PTPRD: variants seen among roughly 807,000 people sequenced by gnomAD.
The protein encoded by PTPRD is protein tyrosine phosphatase receptor type D.
A neutral mutation model predicts 214.5 loss-of-function variants in PTPRD; 34 were observed. The ratio of observed to expected loss-of-function variants is 0.16; its 90% CI spans 0.12 to 0.21. The LOEUF is 0.21. Among genes scored for constraint, PTPRD ranks in the 10% least tolerant of loss-of-function variants. PTPRD has a pLI of 1.00. For missense variants in PTPRD, 2,545 were observed against 2,398.7 expected, an observed-to-expected ratio of 1.06 and a Z score of -1.27; for synonymous variants, 1,128 against 845.7, an observed-to-expected ratio of 1.33 and a Z score of -5.79.
At chr9:8,483,989 G>A in intron 30 of PTPRD, 130 bp downstream of exon 30, 2 of 1,189,916 alleles carry the variant, frequency 1.7e-6, no homozygotes. Flanking sequence ...AGCAAAACTG[G>A]GAGTCTGAGC....
At chr9:10,556,735 C>T (rs1283150247) in intron 2 of PTPRD, among the ~76,000 whole-genome samples, 4 of 151,832 alleles carry the variant, frequency 2.6e-5, no homozygotes, top group Non-Finnish European at 4.4e-5. Context: ...CAGGTGTGGG[C>T]AGATAAATGG....
intron 7 of PTPRD, among the ~76,000 whole-genome samples, chr9:9,654,803 A>G (rs988300280): frequency 5.9e-5 from 9 of 152,178 alleles, no homozygotes; most frequent in Non-Finnish European, 1.3e-4. Flanking sequence ...TATTAAGTGT[A>G]TAACAAATGA....
chr9:8,724,768 T>TAA (rs112711921), intron 12 of PTPRD, among the ~76,000 whole-genome samples: 2 of 143,070 alleles, frequency 1.4e-5, no homozygotes, highest in Non-Finnish European at 3.1e-5. Context: ...ACCCCATCTC[T>TAA]AAAAAAAAAA....
At chr9:8,690,055 C>G (rs2097770740) in intron 12 of PTPRD, among the ~76,000 whole-genome samples, 1 of 149,764 alleles carries the variant, frequency 6.7e-6, no homozygotes, top group African/African-American at 2.5e-5. Flanking sequence ...TTGCAGTAAG[C>G]CAAGATTGTA....
chr9:8,376,622 T>C lies in PTPRD; in HGVS notation c.4491A>G (p.Thr1497=), dbSNP rs376120681. Residue 1497 remains threonine (T), a synonymous_variant, in exon 38 of 46, where the codon ACA becomes ACG. Coordinates refer to ENST00000381196, the MANE Select transcript of PTPRD (RefSeq NM_002839.4). Reference sequence around the variant, plus strand: ...AAAAGCAAACCTTGTAAAGTGCAAATGTTCGAACACAATATGTGGCCAGCT... The same window carrying C: ...AAAAGCAAACCTTGTAAAGTGCAAACGTTCGAACACAATATGTGGCCAGCT... ...TVELATYCVR[T]FALYKNGSSE... is the part of the protein sequence containing the mutation. 29 of 1,612,766 alleles carry C rather than the reference T, an allele frequency of 1.8e-5. No individual in the cohort carries two copies. The African/African-American group carries it at 3.3e-4, about 19-fold the overall frequency.
chr9:8,678,967 T>A (rs1485825074), intron 12 of PTPRD, among the ~76,000 whole-genome samples: 2 of 152,158 alleles, frequency 1.3e-5, no homozygotes, highest in African/African-American at 4.8e-5. Flanking sequence ...GCCAATAATA[T>A]CGAGAGCAGT....
At chr9:8,828,132 T>A (rs972515529) in intron 11 of PTPRD, among the ~76,000 whole-genome samples, 1 of 152,182 alleles carries the variant, frequency 6.6e-6, no homozygotes, top group Non-Finnish European at 1.5e-5. Flanking sequence ...ACACAGAGCT[T>A]GATGGAAAGA....
chr9:9,593,657 A>C (rs1444191057), intron 7 of PTPRD, among the ~76,000 whole-genome samples: 1 of 152,012 alleles, frequency 6.6e-6, no homozygotes, highest in African/African-American at 2.4e-5. Context: ...CCCAAGAAAA[A>C]AGAGAACCCT....
At chr9:9,351,232 G>A (rs972516799) in intron 9 of PTPRD, among the ~76,000 whole-genome samples, 5 of 151,984 alleles carry the variant, frequency 3.3e-5, no homozygotes, top group Non-Finnish European at 7.4e-5. Flanking sequence ...GAAGGAAACT[G>A]AAATTTCTAA....
intron 2 of PTPRD, among the ~76,000 whole-genome samples, chr9:10,559,480 G>C (rs10809120): frequency 0.26 from 39,722 of 151,868 alleles, 5,843 homozygotes; most frequent in Non-Finnish European, 0.34. Context: ...ATCTCTCATA[G>C]TCCCAACACT....
chr9:9,792,620 A>G (rs2098975669), intron 5 of PTPRD, among the ~76,000 whole-genome samples: 1 of 152,172 alleles, frequency 6.6e-6, no homozygotes, highest in African/African-American at 2.4e-5. Context: ...ACATTGCTTC[A>G]AATTCAAATG....
At chr9:8,469,386 CT>C (rs941814780) in intron 31 of PTPRD, among the ~76,000 whole-genome samples, 1 of 151,848 alleles carries the variant, frequency 6.6e-6, no homozygotes, top group Non-Finnish European at 1.5e-5. Context: ...GCCTTAAAAA[CT>C]TTTTTTTAAT....
intron 10 of PTPRD, among the ~76,000 whole-genome samples, chr9:9,054,900 T>C (rs1490515834): frequency 6.6e-6 from 1 of 152,130 alleles, no homozygotes; most frequent in Non-Finnish European, 1.5e-5. Flanking sequence ...CTGGCAAAAA[T>C]GTCCTGAGAG....
chr9:8,318,189 C>T (rs952794368), intron 45 of PTPRD, among the ~76,000 whole-genome samples: 3 of 151,828 alleles, frequency 2.0e-5, no homozygotes, highest in Non-Finnish European at 2.9e-5. Flanking sequence ...AGTGGCAGGT[C>T]GAGTGAACAT....
At chr9:10,192,761 A>G (rs774725276) in intron 3 of PTPRD, among the ~76,000 whole-genome samples, 12 of 152,174 alleles carry the variant, frequency 7.9e-5, no homozygotes, top group East Asian at 1.9e-4. Flanking sequence ...ACCACTTTCT[A>G]TGGATCTCAG....
intron 6 of PTPRD, among the ~76,000 whole-genome samples, chr9:9,746,787 G>C (rs1451574616): frequency 6.6e-6 from 1 of 150,660 alleles, no homozygotes; most frequent in Non-Finnish European, 1.5e-5. Flanking sequence ...ACTTCAGGGT[G>C]TGAAGATAGA....
intron 11 of PTPRD, among the ~76,000 whole-genome samples, chr9:8,896,114 C>T (rs2098608295): frequency 2.0e-5 from 3 of 152,154 alleles, no homozygotes; most frequent in Non-Finnish European, 4.4e-5. Context: ...CAAGGGAATA[C>T]TACTGTGAGC....
intron 2 of PTPRD, among the ~76,000 whole-genome samples, chr9:10,386,224 C>A (rs1255813514): frequency 1.3e-5 from 2 of 151,746 alleles, no homozygotes; most frequent in Non-Finnish European, 2.9e-5. Flanking sequence ...GAAGAACCAC[C>A]AACACACACG....
At chr9:10,559,130 C>A (rs1179795444) in intron 2 of PTPRD, among the ~76,000 whole-genome samples, 3 of 151,904 alleles carry the variant, frequency 2.0e-5, no homozygotes, top group African/African-American at 7.3e-5. Flanking sequence ...ACATGAAGAC[C>A]TTAAATGCTT....
Sources: gnomAD v4.1 joint callset for allele counts (sites outside exome capture counted in the v4.1 genomes callset) on GRCh38, gnomAD v4.1.1 for gene constraint, MANE v1.5 for transcripts, NCBI Gene and HGNC (gene_info 2026-07-23, HGNC 2026-07-21) for gene names.